MOSMO: variants seen among roughly 807,000 people sequenced by gnomAD.
MOSMO encodes the protein modulator of smoothened protein.
MOSMO carries 5 observed loss-of-function variants against 18.4 expected under a neutral mutation model. That is an observed-to-expected ratio of 0.27 (90% CI 0.14 to 0.57). The LOEUF is 0.57. Ranked by LOEUF, MOSMO falls within the 20% of genes least tolerant of loss-of-function variation. The pLI, the probability that MOSMO is intolerant of heterozygous loss-of-function variation, is 0.92. For missense variants in MOSMO, 138 were observed against 211.8 expected, an observed-to-expected ratio of 0.65 and a Z score of 2.16; for synonymous variants, 82 against 82.3, an observed-to-expected ratio of 1.00 and a Z score of 0.02.
Position 22,083,874 on chromosome 16 carries a change from C to T in MOSMO, c.*2994C>T, listed in dbSNP as rs978810288. ...CAGTATGATTCTTTCCAAAGGTAAT[C>T]CATGTTCTATGTTGTTAATGTGTGT... On this transcript the variant is annotated 3_prime_UTR_variant, in exon 3 of 3. Coordinates refer to ENST00000542527, the MANE Select transcript of MOSMO (RefSeq NM_001164579.2). 1.4e-5 allele frequency: 5 copies of T among 346,158 alleles called. No individual in the cohort carries two copies. The highest frequency in any genetic ancestry group is 1.1e-4 in the South Asian group (5 of 43,642). 21.4% of individuals were successfully genotyped at this position (346,158 alleles called of 1,614,324 possible).
chr16:22,074,118 G>T (rs531857528), intron 1 of MOSMO, among the ~76,000 whole-genome samples: 10 of 152,176 alleles, frequency 6.6e-5, no homozygotes, highest in Non-Finnish European at 1.3e-4. Flanking sequence ...ACACGTGCAC[G>T]TGCACACACA....
At chr16:22,053,601 G>A (rs997566071) in intron 1 of MOSMO, among the ~76,000 whole-genome samples, 11 of 152,010 alleles carry the variant, frequency 7.2e-5, no homozygotes, top group African/African-American at 2.4e-4. Context: ...TCAGGAGTTC[G>A]AGACCAGCCT....
At chr16:22,088,569 C>T (rs1262909521), downstream of MOSMO, among the ~76,000 whole-genome samples, 1 of 152,190 alleles carries the variant, frequency 6.6e-6, no homozygotes, top group East Asian at 1.9e-4. Flanking sequence ...AAAGGAATTC[C>T]TATTTTCAAA....
intron 1 of MOSMO, among the ~76,000 whole-genome samples, chr16:22,069,203 A>G (rs1900801081): frequency 6.6e-6 from 1 of 152,302 alleles, no homozygotes; most frequent in Admixed American, 6.5e-5. Flanking sequence ...TTCTAGTCAT[A>G]GGTACTAGCC....
intron 1 of MOSMO, among the ~76,000 whole-genome samples, chr16:22,054,709 A>G (rs1335079987): frequency 3.3e-5 from 5 of 152,214 alleles, no homozygotes; most frequent in Admixed American, 3.3e-4. Context: ...GTATCTCACC[A>G]AAACCTTTAT....
At chr16:22,020,291 A>ATT (rs1204620607) in intron 1 of MOSMO, among the ~76,000 whole-genome samples, 35 of 122,492 alleles carry the variant, frequency 2.9e-4, no homozygotes, top group Admixed American at 4.6e-4. Flanking sequence ...CCTGACTTTA[A>ATT]TTTTTTTTTT....
intron 1 of MOSMO, among the ~76,000 whole-genome samples, chr16:22,052,509 T>C (rs960673295): frequency 6.6e-6 from 1 of 152,218 alleles, no homozygotes; most frequent in East Asian, 1.9e-4. Flanking sequence ...GTTTTACTTA[T>C]TAACAGATTC....
chr16:22,048,665 A>G (rs1900362911), intron 1 of MOSMO, among the ~76,000 whole-genome samples: 1 of 151,944 alleles, frequency 6.6e-6, no homozygotes, highest in Non-Finnish European at 1.5e-5. Context: ...AGTTGTGAAT[A>G]TTTTCTCCCA....
At chr16:22,056,768 C>T (rs1301353872) in intron 1 of MOSMO, among the ~76,000 whole-genome samples, 1 of 152,120 alleles carries the variant, frequency 6.6e-6, no homozygotes, top group Non-Finnish European at 1.5e-5. Flanking sequence ...GTCCCAGGAA[C>T]CAGCCTAGTC....
chr16:22,008,915 C>G (rs909404798), intron 1 of MOSMO, among the ~76,000 whole-genome samples: 3 of 151,702 alleles, frequency 2.0e-5, no homozygotes, highest in African/African-American at 7.3e-5. Context: ...GGATCAGGTC[C>G]GACCCCAGAC....
intron 1 of MOSMO, among the ~76,000 whole-genome samples, chr16:22,038,609 TAAC>T (rs1241783264): frequency 6.6e-6 from 1 of 152,056 alleles, no homozygotes; most frequent in Admixed American, 6.6e-5. Context: ...CTTATAGAGA[TAAC>T]AAGAAGGGTC....
At chr16:22,055,362 G>C (rs1217688672) in intron 1 of MOSMO, among the ~76,000 whole-genome samples, 1 of 152,090 alleles carries the variant, frequency 6.6e-6, no homozygotes, top group African/African-American at 2.4e-5. Context: ...TTTCCTCTAG[G>C]TTAAGTGTTG....
chr16:22,081,046 C>A lies in MOSMO; in HGVS notation c.*166C>A. ...AAAAAAAAATGCTTTGGTTTGTTCT[C>A]ACTATGCACTTTGGATTTAAAAAAA... On this transcript the variant is annotated 3_prime_UTR_variant, in exon 3 of 3. Coordinates refer to ENST00000542527, the MANE Select transcript of MOSMO (RefSeq NM_001164579.2). 5 of 311,088 alleles carry A rather than the reference C, an allele frequency of 1.6e-5. No homozygotes were observed. Among genetic ancestry groups the A allele is most frequent in the South Asian group, 1.4e-4 (1 of 6,930 alleles). 19.3% of individuals were successfully genotyped at this position (311,088 alleles called of 1,614,324 possible). A position where few individuals can be genotyped will look rare whatever the true frequency, so the allele number is the denominator to read the frequency against.
chr16:22,026,124 G>A (rs527593895), intron 1 of MOSMO, among the ~76,000 whole-genome samples: 41 of 151,354 alleles, frequency 2.7e-4, no homozygotes, highest in African/African-American at 9.9e-4. Context: ...CCAATAACTA[G>A]TTCCTGGAAT....
At chr16:22,039,236 T>C (rs900911402) in intron 1 of MOSMO, among the ~76,000 whole-genome samples, 1 of 152,212 alleles carries the variant, frequency 6.6e-6, no homozygotes, top group Non-Finnish European at 1.5e-5. Context: ...GGATACATGA[T>C]ACATGTCAAT....
At chr16:22,013,943 G>C (rs1362500829) in intron 1 of MOSMO, among the ~76,000 whole-genome samples, 2 of 151,784 alleles carry the variant, frequency 1.3e-5, no homozygotes, top group African/African-American at 4.8e-5. Context: ...CTAGTTGAGG[G>C]GCAAAAAAGA....
intron 1 of MOSMO, among the ~76,000 whole-genome samples, chr16:22,029,992 T>C (rs146957286): frequency 4.6e-5 from 7 of 152,280 alleles, no homozygotes; most frequent in Non-Finnish European, 1.0e-4. Flanking sequence ...TCTCAAAATA[T>C]TGTTTTCTTC....
At chr16:22,064,693 T>C (rs1365139956) in intron 1 of MOSMO, among the ~76,000 whole-genome samples, 1 of 152,230 alleles carries the variant, frequency 6.6e-6, no homozygotes, top group Non-Finnish European at 1.5e-5. Flanking sequence ...TAATGTGTAA[T>C]ATCGTATAAA....
intron 2 of MOSMO, 95 bp from the exon 3 acceptor site, chr16:22,080,601 A>C: frequency 1.3e-6 from 1 of 756,020 alleles, no homozygotes; most frequent in Non-Finnish European, 2.0e-6. Context: ...AGGTTTGGCC[A>C]GCCCTTCTTA....
Sources: gnomAD v4.1 joint callset for allele counts (sites outside exome capture counted in the v4.1 genomes callset) on GRCh38, gnomAD v4.1.1 for gene constraint, MANE v1.5 for transcripts, NCBI Gene and HGNC (gene_info 2026-07-23, HGNC 2026-07-21) for gene names.